The following KIF13A variants were observed in gnomAD, a reference collection of about 807,000 sequenced individuals.
KIF13A encodes the protein kinesin family member 13A.
Under a neutral mutation model 212.2 loss-of-function variants are expected in KIF13A, and 79 were observed. That is an observed-to-expected ratio of 0.37 (90% CI 0.31 to 0.45). The LOEUF is 0.45. Ranked by LOEUF, KIF13A falls within the 20% of genes least tolerant of loss-of-function variation. The pLI is 1.00. For synonymous variants in KIF13A, 789 were observed against 808.6 expected, an observed-to-expected ratio of 0.98 and a Z score of 0.41; for missense variants, 1,901 against 2,209.0, an observed-to-expected ratio of 0.86 and a Z score of 2.79.
chr6:17,882,448 A>G (rs983018978), intron 3 of KIF13A, among the ~76,000 whole-genome samples: 9 of 152,190 alleles, frequency 5.9e-5, no homozygotes, highest in Non-Finnish European at 1.3e-4. Context: ...AGATAATTTA[A>G]TTTTATGTAA....
intron 2 of KIF13A, among the ~76,000 whole-genome samples, chr6:17,938,898 T>G (rs949390838): frequency 6.6e-6 from 1 of 152,020 alleles, no homozygotes; most frequent in Admixed American, 6.6e-5. Flanking sequence ...TATGTATTCA[T>G]TCTACAAAAC....
intron 2 of KIF13A, among the ~76,000 whole-genome samples, chr6:17,965,168 GAAA>G (rs1261397534): frequency 1.3e-5 from 2 of 152,124 alleles, no homozygotes; most frequent in Non-Finnish European, 2.9e-5. Context: ...TGTCCCAAAT[GAAA>G]AGGTTACAAG....
At chr6:17,762,784 A>G (rs1581833963), downstream of KIF13A, among the ~76,000 whole-genome samples, 1 of 152,132 alleles carries the variant, frequency 6.6e-6, no homozygotes, top group African/African-American at 2.4e-5. Flanking sequence ...TATGTCGGGG[A>G]AGGAAGTCTT....
chr6:17,976,143 C>T (rs921618323), intron 2 of KIF13A, among the ~76,000 whole-genome samples: 1 of 152,366 alleles, frequency 6.6e-6, no homozygotes, highest in East Asian at 1.9e-4. Context: ...CAGTGGATCC[C>T]GCACCGGGGC....
In KIF13A at chr6:17,831,092, T is replaced by G; in HGVS notation, c.1401+9A>C. ...TCTTGATTGCATATGTATTTATATG[T>G]TCTCCTACCTTTAAATAATAAACCA... On this transcript the variant is annotated intron_variant, in intron 13 of 38. Transcript: ENST00000259711. 6.2e-7 allele frequency: 1 copy of G among 1,608,582 alleles called. No homozygotes were observed. The highest frequency in any genetic ancestry group is 1.1e-5 in the South Asian group (1 of 89,976).
rs780892972 is a variant in KIF13A at position 17,831,268 on chromosome 6, C to G, written c.1267-33G>C. 29 of 1,596,454 alleles carry G rather than the reference C, an allele frequency of 1.8e-5. No individual in the cohort carries two copies. In the South Asian group the frequency reaches 3.3e-4, roughly 18 times the overall value. On this transcript the variant is annotated intron_variant, in intron 12 of 38. Transcript: ENST00000259711. ...CAAAAACAGACAAAAGAAGGAAACT[C>G]TGTTTGTTGTTCTATTCACAAGATG...
At chr6:17,795,534 G>C (rs1365340203) in intron 23 of KIF13A, among the ~76,000 whole-genome samples, 1 of 150,968 alleles carries the variant, frequency 6.6e-6, no homozygotes, top group African/African-American at 2.4e-5. Context: ...GGTGGAGGTT[G>C]CAGTGAGCTA....
Position 17,831,206 on chromosome 6 carries a change from C to T in KIF13A, c.1296G>A (p.Gly432=), listed in dbSNP as rs766969492. 2.5e-6 allele frequency: 4 copies of T among 1,613,408 alleles called. No homozygotes were observed. Among genetic ancestry groups the T allele is most frequent in the African/African-American group, 2.7e-5 (2 of 74,896 alleles). The change falls in exon 13 of 39, where the codon GGG becomes GGA. Residue 432 remains glycine, a synonymous_variant. Transcript: ENST00000259711. ...QERQRQLESM[G]ISLEMSGIKV... is the part of the protein sequence containing the mutation. ...TGATACCGGACATCTCCAGGGAAAT[C>T]CCCATGCTTTCAAGTTGTCGTTGTC...
At chr6:17,977,094 TC>T (rs1162995157) in intron 2 of KIF13A, among the ~76,000 whole-genome samples, 1 of 126,696 alleles carries the variant, frequency 7.9e-6, no homozygotes, top group African/African-American at 3.0e-5. Context: ...AGAGCGAGAC[TC>T]CGTCTCAAAA....
intron 2 of KIF13A, among the ~76,000 whole-genome samples, chr6:17,917,438 G>C (rs1581726104): frequency 6.6e-6 from 1 of 151,808 alleles, no homozygotes; most frequent in South Asian, 2.1e-4. Context: ...ACGGGGTTTC[G>C]CTATGTTGCC....
chr6:17,762,300 C>A (rs894443300), downstream of KIF13A, among the ~76,000 whole-genome samples: 4 of 151,628 alleles, frequency 2.6e-5, no homozygotes, highest in African/African-American at 9.7e-5. Flanking sequence ...GCAACCTCCG[C>A]CTCCTGGGTT....
chr6:17,842,222 A>G (rs1270928913), intron 9 of KIF13A, among the ~76,000 whole-genome samples: 3 of 151,286 alleles, frequency 2.0e-5, no homozygotes, highest in African/African-American at 4.9e-5. Context: ...GCTAATTTTT[A>G]AATTTTTTTG....
chr6:17,829,971 T>A lies in KIF13A; in HGVS notation c.1401+1130A>T, dbSNP rs1312871168. Reference sequence around the variant, plus strand: ...TAGAGATTCAGGTGTGTGGACAGCATATGTAAGCTGCCTTCAAGGCCCCAG... The same window carrying A: ...TAGAGATTCAGGTGTGTGGACAGCAAATGTAAGCTGCCTTCAAGGCCCCAG... On this transcript the variant is annotated intron_variant, in intron 13 of 38. Coordinates refer to ENST00000259711, the MANE Select transcript of KIF13A (RefSeq NM_022113.6). This position sits in a 1 kb window ranked among gnomAD's most constrained non-coding sequence, Gnocchi z 5.4. Among the ~76,000 whole-genome samples, 1 of 152,104 alleles carries A rather than the reference T, an allele frequency of 6.6e-6. No individual in the cohort carries two copies. The highest frequency in any genetic ancestry group is 1.5e-5 in the Non-Finnish European group (1 of 68,020).
chr6:17,955,465 C>T (rs1354672650), intron 2 of KIF13A, among the ~76,000 whole-genome samples: 1 of 152,180 alleles, frequency 6.6e-6, no homozygotes, highest in African/African-American at 2.4e-5. Flanking sequence ...TCTGACCAAA[C>T]AAATTACCTA....
At chr6:17,802,932 G>GTTTTTTTTTTT (rs750485926) in intron 20 of KIF13A, among the ~76,000 whole-genome samples, 22 of 111,102 alleles carry the variant, frequency 2.0e-4, no homozygotes, top group Middle Eastern at 4.6e-3. Context: ...TGTTTTTTTT[G>GTTTTTTTTTTT]TTTTTTTTTG....
chr6:17,831,299 A>G (rs1434498823), intron 12 of KIF13A, 64 bp from the exon 13 acceptor site: 1 of 1,558,916 alleles, frequency 6.4e-7, no homozygotes, highest in African/African-American at 1.4e-5. Flanking sequence ...AGATGTATCC[A>G]CGGAAAGAGT....
In KIF13A at chr6:17,895,251, C is replaced by G. The variant is rs1163475127; in HGVS notation, c.159+2917G>C. Among the ~76,000 whole-genome samples, 1 of 152,160 alleles carries G rather than the reference C, an allele frequency of 6.6e-6. No homozygotes were observed. Among genetic ancestry groups the G allele is most frequent in the Non-Finnish European group, 1.5e-5 (1 of 68,036 alleles). ...TGTCTAATAATTTGGTCATCTGAAG[C>G]ATCTATGGGTCTATTTCTAATTTTT... On this transcript the variant is annotated intron_variant, in intron 3 of 38. Transcript: ENST00000259711. The surrounding 1 kb of genome is among the most constrained non-coding windows in gnomAD (Gnocchi z 4.4).
chr6:17,829,504 C>T lies in KIF13A; in HGVS notation c.1402-1134G>A, dbSNP rs761332722. Among the ~76,000 whole-genome samples the T allele has an allele frequency of 2.6e-5, 4 of 152,090 alleles. No homozygotes were observed. Among genetic ancestry groups the T allele is most frequent in the Admixed American group, 6.6e-5 (1 of 15,256 alleles). ...TAGGACATCTGATTGACACTGATAG[C>T]GTCCAATACAGTAAACACACTGCAC... On this transcript the variant is annotated intron_variant, in intron 13 of 38. Coordinates refer to ENST00000259711, the MANE Select transcript of KIF13A (RefSeq NM_022113.6). This position sits in a 1 kb window ranked among gnomAD's most constrained non-coding sequence, Gnocchi z 5.4.
chr6:17,916,178 T>C lies in KIF13A; in HGVS notation c.147-17998A>G, dbSNP rs529269251. ...GTATTATTCTCTAGGTTAGGAAATA[T>C]GACATTAAAAATCTTCATTGTGGAC... On this transcript the variant is annotated intron_variant, in intron 2 of 38. Coordinates refer to ENST00000259711, the MANE Select transcript of KIF13A (RefSeq NM_022113.6). Among the ~76,000 whole-genome samples, 250 of 152,264 alleles carry C rather than the reference T, an allele frequency of 1.6e-3. 1 individual carries two copies. The highest frequency in any genetic ancestry group is 2.9e-3 in the Non-Finnish European group (199 of 68,004).
Sources: allele counts gnomAD v4.1 joint callset (sites outside exome capture counted in the v4.1 genomes callset), GRCh38; gene constraint gnomAD v4.1.1; non-coding constraint Gnocchi (gnomAD v3.1); transcripts MANE v1.5; gene names NCBI Gene and HGNC (gene_info 2026-07-23, HGNC 2026-07-21).